The following IL21R variants were observed in gnomAD, a reference collection of about 807,000 sequenced individuals.
The protein encoded by IL21R is interleukin 21 receptor.
A neutral mutation model predicts 41.3 loss-of-function variants in IL21R; 14 were observed. The ratio of observed to expected loss-of-function variants is 0.34; its 90% CI spans 0.22 to 0.53. The LOEUF is 0.53. Among genes scored for constraint, IL21R ranks in the 20% least tolerant of loss-of-function variants. The probability of loss-of-function intolerance (pLI) is 0.94; values close to 1 mark genes in which losing one functional copy is unlikely to be tolerated. For missense variants in IL21R, 588 were observed against 681.6 expected (o/e 0.86, Z 1.53); for synonymous variants, 286 against 287.6 (o/e 0.99, Z 0.05).
intron 1 of IL21R, among the ~76,000 whole-genome samples, chr16:27,405,524 G>T (rs1365496998): frequency 6.6e-6 from 1 of 152,172 alleles, no homozygotes; most frequent in Non-Finnish European, 1.5e-5. Context: ...TTTTTCTAGG[G>T]TCACTCAGGG....
chr16:27,438,937 T>C (rs2087321698), intron 4 of IL21R, among the ~76,000 whole-genome samples: 1 of 151,770 alleles, frequency 6.6e-6, no homozygotes. Flanking sequence ...ATGGTGTGTG[T>C]GTGTGTGTGT....
At chr16:27,436,789 G>C (rs564477267) in intron 3 of IL21R, among the ~76,000 whole-genome samples, 19 of 152,150 alleles carry the variant, frequency 1.2e-4, no homozygotes, top group Admixed American at 8.5e-4. Context: ...AGTGGATTTG[G>C]GGACTGGGCG....
intron 4 of IL21R, 116 bp downstream of exon 4, chr16:27,437,803 C>G: frequency 1.3e-6 from 1 of 775,792 alleles, no homozygotes; most frequent in East Asian, 2.7e-5. Flanking sequence ...GCTGGGACAA[C>G]AGGTGTACAC....
intron 1 of IL21R, chr16:27,403,252 G>A: frequency 1.1e-5 from 15 of 1,325,070 alleles, no homozygotes; most frequent in Non-Finnish European, 1.3e-5. Context: ...CTGTGCATGT[G>A]GAGGAGAGGA....
intron 1 of IL21R, among the ~76,000 whole-genome samples, chr16:27,421,977 A>C (rs1395794437): frequency 6.6e-6 from 1 of 152,134 alleles, no homozygotes; most frequent in Non-Finnish European, 1.5e-5. Flanking sequence ...TTTACCATTA[A>C]GTATGATGTT....
chr16:27,449,397 T>C lies in IL21R; in HGVS notation c.*114T>C. On this transcript the variant is annotated 3_prime_UTR_variant, in exon 9 of 9. Coordinates refer to ENST00000337929, the MANE Select transcript of IL21R (RefSeq NM_181078.3). Reference sequence around the variant, plus strand: ...CAGCCTTTGGTCTCCTGGATGGGCCTTTGAGCCTGATGTTTACAGTGTCTG... The same window carrying C: ...CAGCCTTTGGTCTCCTGGATGGGCCCTTGAGCCTGATGTTTACAGTGTCTG... The C allele has an allele frequency of 9.6e-7, 1 of 1,046,414 alleles. No individual in the cohort carries two copies. Among genetic ancestry groups the C allele is most frequent in the South Asian group, 1.6e-5 (1 of 61,684 alleles). 64.8% of individuals were successfully genotyped at this position (1,046,414 alleles called of 1,614,324 possible). A position where few individuals can be genotyped will look rare whatever the true frequency, so the allele number is the denominator to read the frequency against.
intron 1 of IL21R, among the ~76,000 whole-genome samples, chr16:27,422,696 A>G (rs1233440085): frequency 2.0e-5 from 3 of 152,216 alleles, no homozygotes; most frequent in African/African-American, 7.2e-5. Context: ...TTTAAATCAT[A>G]TCTGATAATG....
intron 1 of IL21R, among the ~76,000 whole-genome samples, chr16:27,416,581 T>C (rs2086895927): frequency 7.2e-6 from 1 of 139,334 alleles, no homozygotes; most frequent in South Asian, 2.6e-4. Flanking sequence ...CAAAATCTCT[T>C]ACTTATTTTT....
chr16:27,407,374 G>A (rs552645761), intron 1 of IL21R, among the ~76,000 whole-genome samples: 38 of 152,298 alleles, frequency 2.5e-4, no homozygotes, highest in African/African-American at 8.2e-4. Flanking sequence ...GATCTGTGGC[G>A]TAGACCCAGT....
intron 4 of IL21R, among the ~76,000 whole-genome samples, chr16:27,440,242 T>TAGAGAGAGAG (rs1329486965): frequency 4.6e-5 from 4 of 87,020 alleles, no homozygotes; most frequent in African/African-American, 1.8e-4. Context: ...TATATATATA[T>TAGAGAGAGAG]ATATATAGAG....
intron 4 of IL21R, among the ~76,000 whole-genome samples, chr16:27,440,260 G>GAGAGAGAGAA (rs2087362126): frequency 7.9e-6 from 1 of 126,352 alleles, no homozygotes; most frequent in Non-Finnish European, 1.7e-5. Flanking sequence ...GAGAGAGAGA[G>GAGAGAGAGAA]AGAGAGAGAG....
At position 27,451,549 on chromosome 16, in the gene IL21R, AATT is replaced by A. The variant is rs2087598691; in HGVS notation, c.*2273_*2275del. ...CATAGCAAGGCCCCATCTCTACAAAAATTATTATTTTTTAAAAAAATTAGCCAG... is the reference window on the plus strand; with the variant it reads ...CATAGCAAGGCCCCATCTCTACAAAAATTATTTTTTAAAAAAATTAGCCAG... On this transcript the variant is annotated 3_prime_UTR_variant, in exon 9 of 9. Coordinates refer to ENST00000337929, the MANE Select transcript of IL21R (RefSeq NM_181078.3). 4.8e-6 allele frequency: 1 copy of A among 207,046 alleles called. No individual in the cohort carries two copies. The highest frequency in any genetic ancestry group is 2.3e-5 in the African/African-American group (1 of 43,820). 12.8% of individuals were successfully genotyped at this position (207,046 alleles called of 1,614,324 possible).
chr16:27,415,233 C>T (rs760667187), intron 1 of IL21R, among the ~76,000 whole-genome samples: 2 of 152,194 alleles, frequency 1.3e-5, no homozygotes, highest in Non-Finnish European at 2.9e-5. Flanking sequence ...GGCAAACTTC[C>T]CACTTACTGG....
chr16:27,404,687 TGGCTTCCCA>T (rs1278280277), intron 1 of IL21R, among the ~76,000 whole-genome samples: 1 of 152,180 alleles, frequency 6.6e-6, no homozygotes, highest in African/African-American at 2.4e-5. Flanking sequence ...GAACTGGAAC[TGGCTTCCCA>T]GCACACCACC....
chr16:27,407,214 C>T (rs914387719), intron 1 of IL21R, among the ~76,000 whole-genome samples: 1 of 152,214 alleles, frequency 6.6e-6, no homozygotes, highest in Admixed American at 6.5e-5. Context: ...GGATACTGTG[C>T]TGAACAAAAT....
chr16:27,403,210 C>A, intron 1 of IL21R: 1 of 1,339,380 alleles, frequency 7.5e-7, no homozygotes, highest in Non-Finnish European at 9.8e-7. Flanking sequence ...GCACGGGGAA[C>A]GGGTCGGATG....
At chr16:27,431,683 C>A (rs1393122412) in intron 2 of IL21R, among the ~76,000 whole-genome samples, 1 of 151,848 alleles carries the variant, frequency 6.6e-6, no homozygotes, top group Non-Finnish European at 1.5e-5. Context: ...CTGAGCCTTG[C>A]TTTCTCACAC....
intron 1 of IL21R, among the ~76,000 whole-genome samples, chr16:27,415,932 T>C (rs1454279108): frequency 2.0e-5 from 3 of 152,228 alleles, no homozygotes; most frequent in Admixed American, 6.5e-5. Flanking sequence ...TATTTTTTAA[T>C]TGTTATCTTT....
intron 1 of IL21R, among the ~76,000 whole-genome samples, chr16:27,413,205 G>GC (rs2086846008): frequency 6.6e-6 from 1 of 151,992 alleles, no homozygotes; most frequent in Non-Finnish European, 1.5e-5. Context: ...TACTTTTTCT[G>GC]CATCAGGTGA....
Sources: allele counts gnomAD v4.1 joint callset (sites outside exome capture counted in the v4.1 genomes callset), GRCh38; gene constraint gnomAD v4.1.1; transcripts MANE v1.5; gene names NCBI Gene and HGNC (gene_info 2026-07-23, HGNC 2026-07-21).